The following PARK7 variants were observed in gnomAD, a reference collection of about 807,000 sequenced individuals.
The protein encoded by PARK7 is Parkinson disease protein 7.
In PARK7, 14 loss-of-function variants were observed where a neutral mutation model predicts 20.5. The observed-to-expected ratio is 0.68, with a 90% CI of 0.45 to 1.07. The LOEUF (loss-of-function observed/expected upper bound fraction) is 1.07. Among genes scored for constraint, PARK7 ranks in the 50% least tolerant of loss-of-function variants. The pLI is 0.00. For missense variants in PARK7, 234 were observed against 238.1 expected, an observed-to-expected ratio of 0.98 and a Z score of 0.11; for synonymous variants, 98 against 84.3, an observed-to-expected ratio of 1.16 and a Z score of -0.89.
rs758620266 is a variant in PARK7 at position 7,970,969 on chromosome 1, G to C, written c.322+6G>C. ...GATAGCCGCCATCTGTGCAGGTGAC[G>C]TGCAGGGGCAGCCTGTGTTGCAGCG... is the stretch of plus-strand genomic sequence containing the variant. On this transcript the variant is annotated splice_donor_region_variant and intron_variant, in intron 5 of 6. Transcript: ENST00000338639. The C allele has an allele frequency of 6.2e-7, 1 of 1,614,106 alleles. No homozygotes were observed. The highest frequency in any genetic ancestry group is 1.1e-5 in the South Asian group (1 of 91,084).
intron 6 of PARK7, among the ~76,000 whole-genome samples, chr1:7,978,697 T>G (rs1159159705): frequency 6.6e-6 from 1 of 152,054 alleles, no homozygotes; most frequent in Non-Finnish European, 1.5e-5. Context: ...ACAAAAAACA[T>G]TAGCCAGGCA....
chr1:7,962,712 CAG>C lies in PARK7; in HGVS notation c.-23-50_-23-49del, dbSNP rs144768319. 0.16 allele frequency: 196,117 copies of C among 1,246,870 alleles called. 17,833 individuals are homozygous for C. The highest frequency in any genetic ancestry group is 0.25 in the African/African-American group (16,478 of 64,986). 77.2% of individuals were successfully genotyped at this position (1,246,870 alleles called of 1,614,324 possible). A position where few individuals can be genotyped will look rare whatever the true frequency, so the allele number is the denominator to read the frequency against. ...CTAAACTTTAAATTTTGGGGTATCT[CAG>C]GGTTGCAATGAAAGTTTTTTGAAAT... On this transcript the variant is annotated intron_variant, in intron 1 of 6. Transcript: ENST00000338639.
intron 3 of PARK7, among the ~76,000 whole-genome samples, chr1:7,966,494 G>A (rs899308057): frequency 1.3e-5 from 2 of 151,870 alleles, no homozygotes; most frequent in African/African-American, 4.8e-5. Context: ...CCAGGAGTTT[G>A]AGACCAGCCT....
intron 3 of PARK7, 98 bp from the exon 4 acceptor site, chr1:7,969,247 T>G (rs1015989172): frequency 1.5e-5 from 14 of 962,390 alleles, no homozygotes; most frequent in Middle Eastern, 5.5e-4. Context: ...TCTCCTGTAC[T>G]TCCCACATTT....
At position 7,977,657 on chromosome 1, in the gene PARK7, A is replaced by G. The variant is rs45577037; in HGVS notation, c.328A>G (p.Thr110Ala). 9.7e-5 allele frequency: 157 copies of G among 1,613,468 alleles called. No individual in the cohort carries two copies. Among genetic ancestry groups the G allele is most frequent in the Admixed American group, 2.3e-4 (14 of 60,004 alleles). The stretch of plus-strand genomic sequence containing the variant: ...CTTTTTATTTTTATTCTTAGGTCCT[A>G]CTGCTCTGTTGGCTCATGAAATAGG... ...GLIAAICAGP[T>A]ALLAHEIGFG... Residue 110 changes from threonine to alanine, a missense_variant, in exon 6 of 7, where the codon ACT becomes GCT. By Grantham distance (58) the Thr-to-Ala change is moderately conservative. Coordinates refer to ENST00000338639, the MANE Select transcript of PARK7 (RefSeq NM_007262.5).
Position 7,984,660 on chromosome 1 carries a change from C to G in PARK7, c.410-234C>G, listed in dbSNP as rs1202522819. On this transcript the variant is annotated intron_variant, in intron 6 of 6. Coordinates refer to ENST00000338639, the MANE Select transcript of PARK7 (RefSeq NM_007262.5). This position sits in a 1 kb window ranked among gnomAD's most constrained non-coding sequence, Gnocchi z 4.3. ...TTAAAGTCTTAGCAGCTGCATTTAA[C>G]TCACGCATATTTGTTTCATTCTAAC... Among the ~76,000 whole-genome samples the G allele has an allele frequency of 6.6e-6, 1 of 152,258 alleles. No individual in the cohort carries two copies. Among genetic ancestry groups the G allele is most frequent in the African/African-American group, 2.4e-5 (1 of 41,462 alleles).
chr1:7,968,731 G>A (rs931429146), intron 3 of PARK7, among the ~76,000 whole-genome samples: 7 of 152,064 alleles, frequency 4.6e-5, no homozygotes, highest in African/African-American at 1.7e-4. Flanking sequence ...TGGCCAGGCT[G>A]GTCTCGAACT....
At chr1:7,972,134 A>G (rs545783648) in intron 5 of PARK7, among the ~76,000 whole-genome samples, 10 of 152,178 alleles carry the variant, frequency 6.6e-5, no homozygotes, top group South Asian at 6.2e-4. Flanking sequence ...GTGGTTCTCA[A>G]TGTTCTTTTG....
intron 5 of PARK7, 50 bp downstream of exon 5, chr1:7,971,013 G>A: frequency 1.3e-6 from 2 of 1,589,562 alleles, no homozygotes; most frequent in South Asian, 1.1e-5. Flanking sequence ...GGGTGGGGTA[G>A]CCTTTCATTC....
intron 3 of PARK7, among the ~76,000 whole-genome samples, chr1:7,968,279 G>A (rs1640370658): frequency 6.8e-6 from 1 of 147,316 alleles, no homozygotes; most frequent in East Asian, 2.0e-4. Context: ...CTCTAACCTG[G>A]GTGACAGAGC....
At chr1:7,979,799 G>A (rs930528073) in intron 6 of PARK7, among the ~76,000 whole-genome samples, 4 of 152,090 alleles carry the variant, frequency 2.6e-5, no homozygotes, top group African/African-American at 7.2e-5. Flanking sequence ...ACTGTGCCCC[G>A]CTCATGGTTT....
chr1:7,984,870 A>T lies in PARK7; in HGVS notation c.410-24A>T. The T allele has an allele frequency of 1.2e-6, 2 of 1,614,004 alleles. No individual in the cohort carries two copies. Among genetic ancestry groups the T allele is most frequent in the South Asian group, 1.1e-5 (1 of 91,082 alleles). The stretch of plus-strand genomic sequence containing the variant: ...TCGTCACATAGCCCATTAGGATGTC[A>T]CCTTTTCTGTTTCTACTTTGCAGGT... On this transcript the variant is annotated intron_variant, in intron 6 of 6. Transcript: ENST00000338639. The surrounding 1 kb of genome is among the most constrained non-coding windows in gnomAD (Gnocchi z 4.3).
In PARK7 at chr1:7,970,954, A is replaced by G; in HGVS notation, c.313A>G (p.Ile105Val). ...QENRKGLIAAICAGPTALLAH... is the reference protein window; with the variant it reads ...QENRKGLIAAVCAGPTALLAH... ...AAACCGGAAGGGCCTGATAGCCGCC[A>G]TCTGTGCAGGTGACGTGCAGGGGCA... is the stretch of plus-strand genomic sequence containing the variant. The change falls in exon 5 of 7, where the codon ATC becomes GTC. Residue 105 changes from isoleucine (I) to valine (V), a missense_variant. Physicochemically the swap from Ile to Val is conservative, Grantham distance 29 (BLOSUM62 3). Transcript: ENST00000338639. 1 of 1,614,182 alleles carries G rather than the reference A, an allele frequency of 6.2e-7. No individual in the cohort carries two copies. Among genetic ancestry groups the G allele is most frequent in the Non-Finnish European group, 8.5e-7 (1 of 1,180,028 alleles).
chr1:7,964,799 A>G (rs894867151), intron 2 of PARK7, among the ~76,000 whole-genome samples: 16 of 152,154 alleles, frequency 1.1e-4, no homozygotes, highest in African/African-American at 3.9e-4. Context: ...TTGCATTTCT[A>G]TTTTACAAAA....
At position 7,970,445 on chromosome 1, in the gene PARK7, G is replaced by A. The variant is rs568429847; in HGVS notation, c.253-449G>A. On this transcript the variant is annotated intron_variant, in intron 4 of 6. Coordinates refer to ENST00000338639, the MANE Select transcript of PARK7 (RefSeq NM_007262.5). ...AGACCATTGTTCCTCATTTTAAGTC[G>A]TATGTGAGGAGTCAGAGGCCAGGGT... is the stretch of plus-strand genomic sequence containing the variant. Among the ~76,000 whole-genome samples the A allele has an allele frequency of 6.6e-5, 10 of 152,286 alleles. No individual in the cohort carries two copies. In the South Asian group the frequency reaches 1.2e-3, roughly 19 times the overall value.
intron 6 of PARK7, among the ~76,000 whole-genome samples, chr1:7,977,985 CTTTTTTTTTTTTTTTTT>C (rs34231723): frequency 5.6e-5 from 3 of 53,538 alleles, no homozygotes; most frequent in Admixed American, 3.4e-4. Flanking sequence ...GTCTCAAACT[CTTTTTTTTTTTTTTTTT>C]TTTTTTTTTT....
At chr1:7,973,804 A>T (rs1427059442) in intron 5 of PARK7, among the ~76,000 whole-genome samples, 2 of 151,456 alleles carry the variant, frequency 1.3e-5, no homozygotes, top group Admixed American at 6.6e-5. Flanking sequence ...GCTACTTGGG[A>T]GGCTGAGGCA....
chr1:7,982,034 G>C (rs1640722857), intron 6 of PARK7, among the ~76,000 whole-genome samples: 2 of 135,584 alleles, frequency 1.5e-5, no homozygotes, highest in African/African-American at 5.6e-5. Context: ...GAAGTGCAGT[G>C]ACGCATCTCG....
At chr1:7,979,535 C>G (rs975108436) in intron 6 of PARK7, among the ~76,000 whole-genome samples, 1 of 152,186 alleles carries the variant, frequency 6.6e-6, no homozygotes, top group Non-Finnish European at 1.5e-5. Flanking sequence ...GAGGCTTGCT[C>G]TGTCACCCAG....
Sources: allele counts gnomAD v4.1 joint callset (sites outside exome capture counted in the v4.1 genomes callset), GRCh38; gene constraint gnomAD v4.1.1; non-coding constraint Gnocchi (gnomAD v3.1); transcripts MANE v1.5; gene names NCBI Gene and HGNC (gene_info 2026-07-23, HGNC 2026-07-21).